Variants in ADAMTSL3 observed in about 807,000 individuals in gnomAD.
ADAMTSL3 encodes the protein ADAMTS-like protein 3.
Under a neutral mutation model 201.7 loss-of-function variants are expected in ADAMTSL3, and 128 were observed. The observed-to-expected ratio is 0.63, with a 90% CI of 0.55 to 0.73. The LOEUF (loss-of-function observed/expected upper bound fraction) is 0.73. Ranked by LOEUF, ADAMTSL3 falls within the 30% of genes least tolerant of loss-of-function variation. ADAMTSL3 has a pLI of 0.00. For missense variants in ADAMTSL3, 1,990 were observed against 2,119.6 expected (o/e 0.94, Z 1.20); for synonymous variants, 738 against 748.4 (o/e 0.99, Z 0.23).
intron 3 of ADAMTSL3, among the ~76,000 whole-genome samples, chr15:83,724,918 T>G (rs372885476): frequency 9.2e-5 from 14 of 152,324 alleles, no homozygotes; most frequent in African/African-American, 3.4e-4. Context: ...TACTCCATTG[T>G]GTATATGCAT....
At chr15:83,906,057 A>G (rs1228226187) in intron 15 of ADAMTSL3, among the ~76,000 whole-genome samples, 2 of 151,784 alleles carry the variant, frequency 1.3e-5, no homozygotes, top group African/African-American at 4.9e-5. Context: ...CTGTTGAGTA[A>G]ACTACCCACT....
At chr15:84,019,892 C>CAAA (rs1219615275) in intron 25 of ADAMTSL3, among the ~76,000 whole-genome samples, 3 of 65,158 alleles carry the variant, frequency 4.6e-5, no homozygotes, top group Non-Finnish European at 8.7e-5. Flanking sequence ...GACTCTGTCT[C>CAAA]AAAAAAAAAA....
At chr15:83,853,202 C>A (rs1659504035) in intron 7 of ADAMTSL3, among the ~76,000 whole-genome samples, 1 of 152,156 alleles carries the variant, frequency 6.6e-6, no homozygotes. Context: ...TCTATCTTTT[C>A]TCTAGCCATT....
At chr15:83,733,361 A>T (rs2062313874) in intron 3 of ADAMTSL3, among the ~76,000 whole-genome samples, 1 of 152,140 alleles carries the variant, frequency 6.6e-6, no homozygotes, top group East Asian at 1.9e-4. Context: ...AGTGGAGAGG[A>T]AGGTTCTCTT....
intron 3 of ADAMTSL3, among the ~76,000 whole-genome samples, chr15:83,712,115 A>C (rs1297955434): frequency 6.6e-6 from 1 of 152,212 alleles, no homozygotes; most frequent in East Asian, 1.9e-4. Flanking sequence ...AAGTGCTTTG[A>C]GATGAGGTTG....
chr15:83,655,610 A>C, intron 1 of ADAMTSL3, 119 bp from the exon 2 acceptor site: 4 of 732,106 alleles, frequency 5.5e-6, no homozygotes, highest in Non-Finnish European at 9.1e-6. Flanking sequence ...GGCCAACACA[A>C]ACCTTTCCAA....
chr15:83,848,052 G>A (rs1239066367), intron 7 of ADAMTSL3, among the ~76,000 whole-genome samples: 1 of 151,520 alleles, frequency 6.6e-6, no homozygotes, highest in Non-Finnish European at 1.5e-5. Context: ...GTGTGTGTGT[G>A]TGTTTGAATC....
chr15:83,906,785 A>G (rs1403297092), intron 15 of ADAMTSL3, among the ~76,000 whole-genome samples: 1 of 151,770 alleles, frequency 6.6e-6, no homozygotes, highest in Non-Finnish European at 1.5e-5. Context: ...AATTTTGTCT[A>G]TTATGTTTAT....
At chr15:83,819,603 A>G (rs1021926228) in intron 5 of ADAMTSL3, among the ~76,000 whole-genome samples, 6 of 151,012 alleles carry the variant, frequency 4.0e-5, no homozygotes, top group Admixed American at 6.6e-5. Flanking sequence ...AATCTCCTGT[A>G]TAAATAATTA....
At chr15:83,927,969 G>A (rs1014640796) in intron 17 of ADAMTSL3, among the ~76,000 whole-genome samples, 1 of 144,690 alleles carries the variant, frequency 6.9e-6, no homozygotes, top group Admixed American at 6.9e-5. Context: ...ATTTGGCTGT[G>A]TGATTTTTTT....
chr15:83,687,616 T>C (rs2061555881), intron 2 of ADAMTSL3, among the ~76,000 whole-genome samples: 1 of 152,086 alleles, frequency 6.6e-6, no homozygotes, highest in African/African-American at 2.4e-5. Context: ...AGTTTAATCT[T>C]TACATAGCCT....
chr15:83,976,888 A>G (rs537774245), intron 20 of ADAMTSL3, among the ~76,000 whole-genome samples: 1 of 152,188 alleles, frequency 6.6e-6, no homozygotes, highest in South Asian at 2.1e-4. Flanking sequence ...GGCTTGAGTA[A>G]ATTGGCAGAA....
chr15:83,713,761 T>A (rs1317205874), intron 3 of ADAMTSL3, among the ~76,000 whole-genome samples: 1 of 152,224 alleles, frequency 6.6e-6, no homozygotes, highest in Non-Finnish European at 1.5e-5. Flanking sequence ...CACAAGGGAT[T>A]TGAGGCATTA....
intron 7 of ADAMTSL3, among the ~76,000 whole-genome samples, 196 bp from the exon 8 acceptor site, chr15:83,858,570 A>G (rs1016240311): frequency 6.6e-6 from 1 of 152,122 alleles, no homozygotes; most frequent in African/African-American, 2.4e-5. Context: ...ATGGGGTTTC[A>G]CCATCTTGGC....
intron 11 of ADAMTSL3, chr15:83,890,642 T>C (rs2065483672): frequency 6.0e-6 from 1 of 165,974 alleles, no homozygotes; most frequent in Non-Finnish European, 1.3e-5. Context: ...GTATAAATAA[T>C]GCATTGTGCA....
At chr15:83,750,838 C>G (rs540424168) in intron 3 of ADAMTSL3, among the ~76,000 whole-genome samples, 2 of 152,314 alleles carry the variant, frequency 1.3e-5, no homozygotes, top group Non-Finnish European at 2.9e-5. Context: ...GCATGAGCCA[C>G]TGCGCCCGGC....
intron 9 of ADAMTSL3, among the ~76,000 whole-genome samples, chr15:83,879,195 G>T (rs980504800): frequency 1.3e-5 from 2 of 151,834 alleles, no homozygotes; most frequent in African/African-American, 4.8e-5. Flanking sequence ...TAGACATTTC[G>T]CAGAAACAAC....
intron 21 of ADAMTSL3, among the ~76,000 whole-genome samples, chr15:83,984,688 T>C (rs2067443537): frequency 6.6e-6 from 1 of 152,216 alleles, no homozygotes; most frequent in Non-Finnish European, 1.5e-5. Flanking sequence ...GCCTATAACA[T>C]GTTCATACAA....
chr15:84,002,936 C>CTTTTTTTTTT (rs368176543), intron 23 of ADAMTSL3, among the ~76,000 whole-genome samples: 137 of 99,946 alleles, frequency 1.4e-3, no homozygotes, highest in Non-Finnish European at 1.7e-3. Context: ...CTTTTCTTTT[C>CTTTTTTTTTT]TTTTTTTTTT....
Sources: gnomAD v4.1 joint callset for allele counts (sites outside exome capture counted in the v4.1 genomes callset) on GRCh38, gnomAD v4.1.1 for gene constraint, MANE v1.5 for transcripts, NCBI Gene and HGNC (gene_info 2026-07-23, HGNC 2026-07-21) for gene names.